The following NR6A1 variants were observed in gnomAD, a reference collection of about 807,000 sequenced individuals.
The protein encoded by NR6A1 is nuclear receptor subfamily 6 group A member 1.
A neutral mutation model predicts 59.1 loss-of-function variants in NR6A1; 7 were observed. The ratio of observed to expected loss-of-function variants is 0.12; its 90% CI spans 0.07 to 0.22. The LOEUF (loss-of-function observed/expected upper bound fraction) is 0.22, where lower values mean the gene tolerates loss of function less well. NR6A1 is among the 10% of genes least tolerant of loss of function. The probability of loss-of-function intolerance (pLI) is 1.00; values close to 1 mark genes in which losing one functional copy is unlikely to be tolerated. For synonymous variants in NR6A1, 243 were observed against 236.1 expected (o/e 1.03, Z -0.27); for missense variants, 468 against 611.6 (o/e 0.77, Z 2.48).
chr9:124,653,015 T>G (rs988356892), intron 2 of NR6A1, among the ~76,000 whole-genome samples: 4 of 152,210 alleles, frequency 2.6e-5, no homozygotes, highest in Admixed American at 1.3e-4. Context: ...AAATTTACAT[T>G]TTGTATAATC....
In NR6A1 at chr9:124,619,818, T is replaced by C. The variant is rs1836009473; in HGVS notation, c.143-65248A>G. Among the ~76,000 whole-genome samples, 8 of 152,274 alleles carry C rather than the reference T, an allele frequency of 5.3e-5. No individual in the cohort carries two copies. The South Asian group carries it at 1.7e-3, about 32-fold the overall frequency. On this transcript the variant is annotated intron_variant, in intron 2 of 9. Coordinates refer to ENST00000487099, the MANE Select transcript of NR6A1 (RefSeq NM_033334.4). The stretch of plus-strand genomic sequence containing the variant: ...GGCTCACGCCTGTAATCCCAGCACT[T>C]TGGGAGGCCGAGGCAGGTGGATCAC...
At chr9:124,588,716 G>A (rs1377170447) in intron 2 of NR6A1, among the ~76,000 whole-genome samples, 4 of 145,916 alleles carry the variant, frequency 2.7e-5, no homozygotes, top group African/African-American at 5.0e-5. Context: ...TCAGGAGATC[G>A]ACACCATCCT....
At chr9:124,556,828 T>G (rs1232269341) in intron 2 of NR6A1, among the ~76,000 whole-genome samples, 2 of 152,064 alleles carry the variant, frequency 1.3e-5, no homozygotes, top group Non-Finnish European at 2.9e-5. Flanking sequence ...GCACTGAGTT[T>G]GTGGTAATTT....
intron 2 of NR6A1, among the ~76,000 whole-genome samples, chr9:124,628,168 C>T (rs778044019): frequency 6.6e-5 from 10 of 151,944 alleles, no homozygotes; most frequent in Non-Finnish European, 1.2e-4. Flanking sequence ...GCTGGGACTA[C>T]AGGCGCACGC....
At chr9:124,690,071 T>C (rs576850287) in intron 2 of NR6A1, among the ~76,000 whole-genome samples, 1 of 152,314 alleles carries the variant, frequency 6.6e-6, no homozygotes, top group Non-Finnish European at 1.5e-5. Flanking sequence ...GCTGTTGTTA[T>C]CTTCATAACT....
intron 2 of NR6A1, among the ~76,000 whole-genome samples, chr9:124,594,900 G>A (rs941117851): frequency 1.3e-5 from 2 of 152,190 alleles, no homozygotes; most frequent in Non-Finnish European, 2.9e-5. Context: ...ATTTCGTAGG[G>A]TTAATGCCAG....
At chr9:124,639,616 G>A (rs1000000913) in intron 2 of NR6A1, among the ~76,000 whole-genome samples, 5 of 152,170 alleles carry the variant, frequency 3.3e-5, no homozygotes, top group Non-Finnish European at 5.9e-5. Context: ...ACCTCAGAAA[G>A]AATTAGCAAA....
intron 2 of NR6A1, among the ~76,000 whole-genome samples, chr9:124,583,177 C>CA (rs1338239705): frequency 6.8e-6 from 1 of 146,926 alleles, no homozygotes; most frequent in East Asian, 2.2e-4. Context: ...TCTAGAAAAC[C>CA]AAAAGAAACC....
intron 2 of NR6A1, among the ~76,000 whole-genome samples, chr9:124,620,630 A>G (rs1216612131): frequency 6.6e-6 from 1 of 152,214 alleles, no homozygotes; most frequent in African/African-American, 2.4e-5. Context: ...ACAAATCTAT[A>G]GAGACAGTAG....
At chr9:124,765,365 G>A (rs908789169) in intron 1 of NR6A1, among the ~76,000 whole-genome samples, 7 of 152,070 alleles carry the variant, frequency 4.6e-5, no homozygotes, top group East Asian at 1.9e-4. Context: ...AACAGCCCCC[G>A]AAATTTTTAA....
At chr9:124,705,331 C>A (rs1839092045) in intron 2 of NR6A1, among the ~76,000 whole-genome samples, 1 of 152,144 alleles carries the variant, frequency 6.6e-6, no homozygotes, top group Admixed American at 6.6e-5. Context: ...TAGTCCATTT[C>A]TCCTTTAATT....
intron 2 of NR6A1, chr9:124,598,587 G>A (rs1390782632): frequency 6.9e-6 from 2 of 289,114 alleles, no homozygotes; most frequent in South Asian, 9.1e-5. Flanking sequence ...TTTATATAAC[G>A]GCCTTTTGTA....
At chr9:124,542,020 G>T (rs1833462540) in intron 4 of NR6A1, among the ~76,000 whole-genome samples, 1 of 152,144 alleles carries the variant, frequency 6.6e-6, no homozygotes, top group Non-Finnish European at 1.5e-5. Flanking sequence ...CAAAGGGAGA[G>T]GAAAATGAGG....
chr9:124,705,344 T>C (rs1435287762), intron 2 of NR6A1, among the ~76,000 whole-genome samples: 1 of 152,244 alleles, frequency 6.6e-6, no homozygotes, highest in Non-Finnish European at 1.5e-5. Context: ...CTTTAATTTC[T>C]GTCAGTTTTT....
chr9:124,704,203 G>A (rs1001335407), intron 2 of NR6A1, among the ~76,000 whole-genome samples: 1 of 152,104 alleles, frequency 6.6e-6, no homozygotes, highest in African/African-American at 2.4e-5. Context: ...CAATTTCTGT[G>A]GGTAATAATG....
chr9:124,593,795 C>T (rs1835196796), intron 2 of NR6A1, among the ~76,000 whole-genome samples: 1 of 149,590 alleles, frequency 6.7e-6, no homozygotes, highest in South Asian at 2.1e-4. Flanking sequence ...TCTCTTACGG[C>T]TCTCTCTCTC....
chr9:124,524,906 C>A lies in NR6A1; in HGVS notation c.1202-33G>T, dbSNP rs746717504. ...AAAAAAAAAAACACACACACACATACAGGGAATGGGATGGGCATTCTAATG... is the reference window on the plus strand; with the variant it reads ...AAAAAAAAAAACACACACACACATAAAGGGAATGGGATGGGCATTCTAATG... On this transcript the variant is annotated intron_variant, in intron 8 of 9. Coordinates refer to ENST00000487099, the MANE Select transcript of NR6A1 (RefSeq NM_033334.4). 5 of 1,574,084 alleles carry A rather than the reference C, an allele frequency of 3.2e-6. No homozygotes were observed. The African/African-American group carries it at 5.5e-5, about 17-fold the overall frequency.
At chr9:124,627,983 TAG>T (rs1836300491) in intron 2 of NR6A1, among the ~76,000 whole-genome samples, 1 of 145,300 alleles carries the variant, frequency 6.9e-6, no homozygotes, top group Admixed American at 7.3e-5. Flanking sequence ...ACGGTGTGTG[TAG>T]AGAGTGAAGG....
chr9:124,528,067 AC>A (rs1832989554), intron 7 of NR6A1, among the ~76,000 whole-genome samples: 1 of 152,234 alleles, frequency 6.6e-6, no homozygotes, highest in South Asian at 2.1e-4. Context: ...TCTGCGCACT[AC>A]AGGCCTGTGC....
Sources: allele counts gnomAD v4.1 joint callset (sites outside exome capture counted in the v4.1 genomes callset), GRCh38; gene constraint gnomAD v4.1.1; transcripts MANE v1.5; gene names NCBI Gene and HGNC (gene_info 2026-07-23, HGNC 2026-07-21).